Variants in NCOA2 observed in about 807,000 individuals in gnomAD.
NCOA2 encodes nuclear receptor coactivator 2, also known as class E basic helix-loop-helix protein 75.
NCOA2 carries 21 observed loss-of-function variants against 145.1 expected under a neutral mutation model. The ratio of observed to expected loss-of-function variants is 0.14; its 90% CI spans 0.10 to 0.21. The LOEUF (loss-of-function observed/expected upper bound fraction) is 0.21, where lower values mean the gene tolerates loss of function less well. Among genes scored for constraint, NCOA2 ranks in the 10% least tolerant of loss-of-function variants. The pLI is 1.00. For missense variants in NCOA2, 1,472 were observed against 1,837.6 expected (o/e 0.80, Z 3.64); for synonymous variants, 619 against 637.5 (o/e 0.97, Z 0.44).
chr8:70,174,888 G>T (rs776904841), intron 4 of NCOA2, 29 bp from the exon 5 acceptor site: 5 of 1,567,788 alleles, frequency 3.2e-6, no homozygotes, highest in South Asian at 1.1e-5. Context: ...TGAATTAAAT[G>T]GCAGTGCTAT....
Position 70,156,772 on chromosome 8 carries a change from G to A in NCOA2, c.1593C>T (p.Asn531=). 1 of 1,614,014 alleles carries A rather than the reference G, an allele frequency of 6.2e-7. No homozygotes were observed. Among genetic ancestry groups the A allele is most frequent in the Non-Finnish European group, 8.5e-7 (1 of 1,179,898 alleles). Residue 531 remains asparagine (N), a synonymous_variant, in exon 11 of 23, where the codon AAC becomes AAT. Coordinates refer to ENST00000452400, the MANE Select transcript of NCOA2 (RefSeq NM_006540.4). ...SSTGNSHSYT[N]SSLNALQALS... is the part of the protein sequence containing the mutation. Reference sequence around the variant, plus strand: ...GGGCCTGAAGTGCATTGAGGGAGCTGTTGGTATAACTATGGCTATTTCCTG... The same window carrying A: ...GGGCCTGAAGTGCATTGAGGGAGCTATTGGTATAACTATGGCTATTTCCTG...
At chr8:70,261,606 TA>T (rs1312317610) in intron 2 of NCOA2, among the ~76,000 whole-genome samples, 6 of 151,874 alleles carry the variant, frequency 4.0e-5, no homozygotes, top group African/African-American at 1.5e-4. Context: ...ATAATAATAA[TA>T]AATGGACTGT....
At chr8:70,401,644 A>ACAATGATG (rs921062515) in intron 1 of NCOA2, among the ~76,000 whole-genome samples, 1 of 152,208 alleles carries the variant, frequency 6.6e-6, no homozygotes, top group Non-Finnish European at 1.5e-5. Context: ...GCCATTATGA[A>ACAATGATG]CAATGATGCT....
chr8:70,441,108 GAGAA>G, the NCOA2 span, among the ~76,000 whole-genome samples: 9 of 112,824 alleles, frequency 8.0e-5, no homozygotes, highest in African/African-American at 2.9e-4. Flanking sequence ...AAAGAAGAGA[GAGAA>G]AGAAAGAAAG....
At chr8:70,206,744 G>A (rs945100231) in intron 4 of NCOA2, among the ~76,000 whole-genome samples, 1 of 152,042 alleles carries the variant, frequency 6.6e-6, no homozygotes, top group Non-Finnish European at 1.5e-5. Context: ...ATCCAACCAA[G>A]TGCTCCCATA....
the NCOA2 span, among the ~76,000 whole-genome samples, chr8:70,425,974 T>C: frequency 6.6e-6 from 1 of 152,190 alleles, no homozygotes; most frequent in Non-Finnish European, 1.5e-5. Context: ...AACTGGATTT[T>C]CCAAAATTAT....
intron 1 of NCOA2, among the ~76,000 whole-genome samples, chr8:70,331,054 G>A (rs1287774767): frequency 2.6e-5 from 4 of 152,068 alleles, no homozygotes; most frequent in African/African-American, 7.2e-5. Flanking sequence ...TAACATGGAG[G>A]AGGAATTTAT....
the NCOA2 span, among the ~76,000 whole-genome samples, chr8:70,419,269 T>A: frequency 6.6e-6 from 1 of 152,282 alleles, no homozygotes; most frequent in Middle Eastern, 3.4e-3. Context: ...TTATCTTTAG[T>A]CTGCTCACTC....
chr8:70,354,277 T>A (rs927999071), intron 1 of NCOA2, among the ~76,000 whole-genome samples: 7 of 152,238 alleles, frequency 4.6e-5, no homozygotes, highest in African/African-American at 1.7e-4. Context: ...TCTTTTGAAA[T>A]ACCAAATCAT....
intron 13 of NCOA2, among the ~76,000 whole-genome samples, chr8:70,143,970 G>C (rs1418553333): frequency 2.0e-5 from 3 of 152,372 alleles, no homozygotes; most frequent in South Asian, 4.1e-4. Context: ...TGCTACTGCA[G>C]TGACTTCCAA....
chr8:70,115,900 G>A (rs1030333623), intron 22 of NCOA2, among the ~76,000 whole-genome samples: 5 of 152,084 alleles, frequency 3.3e-5, no homozygotes, highest in African/African-American at 1.2e-4. Context: ...AAAAATGGAT[G>A]ACAGGGCCAG....
the NCOA2 span, among the ~76,000 whole-genome samples, chr8:70,437,815 C>T: frequency 6.6e-6 from 1 of 152,054 alleles, no homozygotes; most frequent in Admixed American, 6.6e-5. Context: ...ACAACATAAT[C>T]ATTATAGACA....
At chr8:70,392,009 C>A (rs772498084) in intron 1 of NCOA2, among the ~76,000 whole-genome samples, 2 of 152,162 alleles carry the variant, frequency 1.3e-5, no homozygotes, top group Admixed American at 6.5e-5. Context: ...ATACTCACAA[C>A]CACACCGTGG....
chr8:70,347,300 C>T (rs1307053511), intron 1 of NCOA2, among the ~76,000 whole-genome samples: 1 of 151,896 alleles, frequency 6.6e-6, no homozygotes, highest in Non-Finnish European at 1.5e-5. Context: ...GCCGGGCCAA[C>T]GTGGTGAAAC....
At chr8:70,412,033 G>A in the NCOA2 span, among the ~76,000 whole-genome samples, 172 of 152,188 alleles carry the variant, frequency 1.1e-3, no homozygotes, top group African/African-American at 3.8e-3. Context: ...ACTGAATCTC[G>A]CTCCCTAACT....
intron 1 of NCOA2, among the ~76,000 whole-genome samples, chr8:70,381,859 AT>A (rs1409792367): frequency 6.6e-6 from 1 of 152,216 alleles, no homozygotes; most frequent in Non-Finnish European, 1.5e-5. Flanking sequence ...CCGTAATGGC[AT>A]TTTATAGGTA....
At chr8:70,382,810 C>T (rs1250939874) in intron 1 of NCOA2, among the ~76,000 whole-genome samples, 5 of 152,162 alleles carry the variant, frequency 3.3e-5, no homozygotes, top group Non-Finnish European at 7.3e-5. Context: ...GAGATTCTTT[C>T]CTCACCCTGA....
chr8:70,213,617 T>G (rs923312292), intron 4 of NCOA2, among the ~76,000 whole-genome samples: 4 of 152,144 alleles, frequency 2.6e-5, no homozygotes, highest in African/African-American at 4.8e-5. Flanking sequence ...AATGCCACAG[T>G]GTGGGGAGGA....
chr8:70,245,327 T>A (rs1209145919), intron 2 of NCOA2: 1 of 152,068 alleles, frequency 6.6e-6, no homozygotes, highest in African/African-American at 2.4e-5. Context: ...CAATCCAGCA[T>A]GGTGGAACAC....
Sources: allele counts gnomAD v4.1 joint callset (sites outside exome capture counted in the v4.1 genomes callset), GRCh38; gene constraint gnomAD v4.1.1; transcripts MANE v1.5; gene names NCBI Gene and HGNC (gene_info 2026-07-23, HGNC 2026-07-21).